Variants in ILKAP observed in about 807,000 individuals in gnomAD.
The protein encoded by ILKAP is integrin-linked kinase-associated serine/threonine phosphatase 2C.
A neutral mutation model predicts 49.1 loss-of-function variants in ILKAP; 11 were observed. That is an observed-to-expected ratio of 0.22 (90% CI 0.14 to 0.37). The LOEUF is 0.37. Among genes scored for constraint, ILKAP ranks in the 10% least tolerant of loss-of-function variants. ILKAP has a pLI of 1.00. For missense variants in ILKAP, 363 were observed against 510.8 expected, an observed-to-expected ratio of 0.71 and a Z score of 2.79; for synonymous variants, 186 against 192.8, an observed-to-expected ratio of 0.96 and a Z score of 0.29.
chr2:238,192,655 G>A (rs1189781870), intron 3 of ILKAP, among the ~76,000 whole-genome samples: 2 of 150,680 alleles, frequency 1.3e-5, no homozygotes, highest in African/African-American at 2.4e-5. Flanking sequence ...AGCTGAGATC[G>A]CGCCACTGCA....
At chr2:238,194,650 C>T in intron 2 of ILKAP, 155 bp downstream of exon 2, 2 of 746,138 alleles carry the variant, frequency 2.7e-6, no homozygotes, top group African/African-American at 1.8e-5. Context: ...ATTTTTCTGC[C>T]TTACCTGATG....
chr2:238,184,732 G>T (rs1248830077), intron 6 of ILKAP, among the ~76,000 whole-genome samples: 18 of 143,710 alleles, frequency 1.3e-4, no homozygotes, highest in East Asian at 2.0e-4. Context: ...AGTTAGGTTT[G>T]TTTTTTTTTT....
At chr2:238,174,454 G>A (rs1026659749) in intron 9 of ILKAP, among the ~76,000 whole-genome samples, 6 of 152,230 alleles carry the variant, frequency 3.9e-5, no homozygotes, top group East Asian at 3.8e-4. Flanking sequence ...CATACTCAAC[G>A]TGTGAGAGAG....
At chr2:238,193,051 A>G (rs558228442) in intron 3 of ILKAP, among the ~76,000 whole-genome samples, 21 of 152,350 alleles carry the variant, frequency 1.4e-4, no homozygotes, top group African/African-American at 4.6e-4. Flanking sequence ...AGAAATCTAA[A>G]ACACTAGACC....
intron 9 of ILKAP, among the ~76,000 whole-genome samples, chr2:238,176,664 C>CAG (rs34331344): frequency 1.3e-5 from 2 of 151,516 alleles, no homozygotes; most frequent in African/African-American, 4.8e-5. Context: ...GTTCTTTCTC[C>CAG]AGAGAGAGAG....
intron 1 of ILKAP, among the ~76,000 whole-genome samples, chr2:238,199,253 G>T (rs562193691): frequency 6.6e-6 from 1 of 152,138 alleles, no homozygotes; most frequent in Non-Finnish European, 1.5e-5. Context: ...GATAAGTGAC[G>T]CCACAATCAA....
intron 1 of ILKAP, among the ~76,000 whole-genome samples, chr2:238,196,416 G>A (rs542739328): frequency 1.8e-4 from 27 of 151,908 alleles, no homozygotes; most frequent in East Asian, 5.8e-4. Context: ...TAGTAGAGAC[G>A]GGGTTTCACC....
intron 9 of ILKAP, among the ~76,000 whole-genome samples, chr2:238,177,155 AAAT>A (rs1693497254): frequency 6.6e-6 from 1 of 152,254 alleles, no homozygotes; most frequent in Admixed American, 6.5e-5. Flanking sequence ...AAGTAGAAAA[AAAT>A]AATGCACAAA....
chr2:238,196,700 G>A (rs961951128), intron 1 of ILKAP, among the ~76,000 whole-genome samples: 6 of 152,250 alleles, frequency 3.9e-5, no homozygotes, highest in South Asian at 2.1e-4. Context: ...GGGTCTTTGC[G>A]TCAGAAGTAC....
intron 8 of ILKAP, among the ~76,000 whole-genome samples, chr2:238,183,020 G>A (rs933422474): frequency 4.6e-5 from 7 of 152,270 alleles, no homozygotes; most frequent in Non-Finnish European, 8.8e-5. Context: ...CAAGGAGGCC[G>A]GGTGAAAAAG....
rs770081831 is a variant in ILKAP at position 238,173,498 on chromosome 2, T to C, written c.956+36A>G. On this transcript the variant is annotated intron_variant, in intron 10 of 11. Coordinates refer to ENST00000254654, the MANE Select transcript of ILKAP (RefSeq NM_030768.3). ...AGTGAGGAAGAGAAATAAACCCACA[T>C]GCACACACACCTGTGCCTCTTATAG... The C allele has an allele frequency of 1.1e-5, 17 of 1,594,568 alleles. No individual in the cohort carries two copies. In the Middle Eastern group the frequency reaches 5.0e-4, roughly 47 times the overall value.
rs1693720070 is a variant in ILKAP, at chr2:238,182,142, G to A, written c.759C>T (p.Ala253=). The A allele has an allele frequency of 6.2e-7, 1 of 1,613,800 alleles. No homozygotes were observed. The highest frequency in any genetic ancestry group is 8.5e-7 in the Non-Finnish European group (1 of 1,179,848). The stretch of plus-strand genomic sequence containing the variant: ...GATTATGCTCTTTGCTGAGGCTTAA[G>A]GCTGCATGTTTTTGACTCTCCTCAT... ...RYNEESQKHA[A]LSLSKEHNPT... is the part of the protein sequence containing the mutation. The change falls in exon 9 of 12, where the codon GCC becomes GCT. Residue 253 remains alanine (A), a synonymous_variant. Transcript: ENST00000254654.
chr2:238,186,555 A>G (rs1693916398), intron 5 of ILKAP: 1 of 152,218 alleles, frequency 6.6e-6, no homozygotes. Flanking sequence ...ACTGCATAAG[A>G]GCAGGGAGGA....
At chr2:238,183,317 AAAG>A (rs1260513341) in intron 8 of ILKAP, among the ~76,000 whole-genome samples, 2 of 152,314 alleles carry the variant, frequency 1.3e-5, no homozygotes, top group South Asian at 4.1e-4. Context: ...AAAGGAAATA[AAAG>A]AAGATTTAGG....
At chr2:238,189,814 A>G (rs755752165) in intron 4 of ILKAP, 39 bp downstream of exon 4, 2 of 1,597,574 alleles carry the variant, frequency 1.3e-6, no homozygotes, top group Non-Finnish European at 1.7e-6. Flanking sequence ...GTTTTAAAAT[A>G]TGAAGTCTAA....
chr2:238,199,513 C>T (rs1268865497), intron 1 of ILKAP, among the ~76,000 whole-genome samples: 1 of 152,158 alleles, frequency 6.6e-6, no homozygotes, highest in Non-Finnish European at 1.5e-5. Context: ...TACCTCTGAA[C>T]TGGGAGGATA....
intron 5 of ILKAP, chr2:238,185,902 G>A (rs565736843): frequency 2.3e-4 from 35 of 152,146 alleles, no homozygotes; most frequent in African/African-American, 8.2e-4. Context: ...TAAAAGAGAT[G>A]TAACACTTTT....
chr2:238,180,347 G>A (rs1038107884), intron 9 of ILKAP, among the ~76,000 whole-genome samples: 1 of 152,214 alleles, frequency 6.6e-6, no homozygotes, highest in African/African-American at 2.4e-5. Context: ...TCTTAGGTGT[G>A]AAAATTCTCA....
intron 6 of ILKAP, among the ~76,000 whole-genome samples, chr2:238,184,420 C>T (rs1180449965): frequency 6.6e-6 from 1 of 152,014 alleles, no homozygotes; most frequent in Non-Finnish European, 1.5e-5. Flanking sequence ...GAACTCCTGA[C>T]CTCGTGATCC....
Sources: allele counts gnomAD v4.1 joint callset (sites outside exome capture counted in the v4.1 genomes callset), GRCh38; gene constraint gnomAD v4.1.1; transcripts MANE v1.5; gene names NCBI Gene and HGNC (gene_info 2026-07-23, HGNC 2026-07-21).